The following TBXAS1 variants were observed in gnomAD, a reference collection of about 807,000 sequenced individuals.
The protein encoded by TBXAS1 is thromboxane-A synthase.
TBXAS1 carries 48 observed loss-of-function variants against 60.7 expected under a neutral mutation model. The ratio of observed to expected loss-of-function variants is 0.79; its 90% CI spans 0.63 to 1.01. The LOEUF (loss-of-function observed/expected upper bound fraction) is 1.01, where lower values mean the gene tolerates loss of function less well. TBXAS1 is among the 50% of genes least tolerant of loss of function. The pLI, the probability that TBXAS1 is intolerant of heterozygous loss-of-function variation, is 0.00. For missense variants in TBXAS1, 685 were observed against 686.3 expected (o/e 1.00, Z 0.02); for synonymous variants, 287 against 269.7 (o/e 1.06, Z -0.63).
intron 4 of TBXAS1, among the ~76,000 whole-genome samples, chr7:139,814,832 A>T (rs1433800277): frequency 6.6e-6 from 1 of 152,142 alleles, no homozygotes; most frequent in Non-Finnish European, 1.5e-5. Flanking sequence ...ACTGACCTGG[A>T]GTCCTCAACA....
At chr7:139,884,857 G>A (rs1330114898) in intron 3 of TBXAS1, among the ~76,000 whole-genome samples, 3 of 152,232 alleles carry the variant, frequency 2.0e-5, no homozygotes, top group Non-Finnish European at 4.4e-5. Flanking sequence ...GGATGAACCA[G>A]GAATTGACAT....
chr7:139,952,006 GAAAGAA>G (rs758511302), intron 5 of TBXAS1, among the ~76,000 whole-genome samples: 108 of 147,944 alleles, frequency 7.3e-4, no homozygotes, highest in Non-Finnish European at 1.1e-3. Context: ...AAGAAAGAAA[GAAAGAA>G]AAAGAAAGGA....
At chr7:139,784,899 C>G (rs372451716) in intron 3 of TBXAS1, among the ~76,000 whole-genome samples, 1 of 75,028 alleles carries the variant, frequency 1.3e-5, no homozygotes, top group Admixed American at 1.4e-4. Flanking sequence ...GTGGCTGATC[C>G]ATAGGAGGTG....
intron 5 of TBXAS1, among the ~76,000 whole-genome samples, chr7:139,942,904 AGAC>A (rs1429737324): frequency 6.6e-6 from 1 of 152,226 alleles, no homozygotes; most frequent in Non-Finnish European, 1.5e-5. Flanking sequence ...CCTGACTTGG[AGAC>A]GACATGTTAC....
chr7:139,822,846 T>C (rs575099407), intron 4 of TBXAS1, among the ~76,000 whole-genome samples: 12 of 152,310 alleles, frequency 7.9e-5, no homozygotes, highest in African/African-American at 2.9e-4. Flanking sequence ...CGCAGCCTCC[T>C]GGCTGGTCCT....
chr7:139,939,599 G>A (rs554736238), intron 5 of TBXAS1, among the ~76,000 whole-genome samples: 4 of 152,088 alleles, frequency 2.6e-5, no homozygotes, highest in Non-Finnish European at 5.9e-5. Context: ...GCGAGTTGAA[G>A]TTTACTGGAA....
chr7:139,871,352 A>T (rs3801154), intron 1 of TBXAS1, among the ~76,000 whole-genome samples: 9,071 of 152,226 alleles, frequency 0.06, 385 homozygotes, highest in East Asian at 0.13. Flanking sequence ...GCGTGATGCT[A>T]AACAACCAGT....
intron 4 of TBXAS1, among the ~76,000 whole-genome samples, chr7:139,926,221 T>C (rs1166106944): frequency 6.6e-6 from 1 of 152,176 alleles, no homozygotes; most frequent in African/African-American, 2.4e-5. Context: ...TTGAGTAGAA[T>C]TGGTATTAAT....
intron 5 of TBXAS1, among the ~76,000 whole-genome samples, chr7:139,941,808 T>C (rs1294845683): frequency 2.6e-5 from 4 of 152,216 alleles, no homozygotes; most frequent in African/African-American, 4.8e-5. Context: ...TTATTAAGGA[T>C]GAGGGAATAA....
intron 1 of TBXAS1, among the ~76,000 whole-genome samples, chr7:139,838,169 A>AC (rs150494095): frequency 0.019 from 2,840 of 152,238 alleles, 85 homozygotes; most frequent in African/African-American, 0.065. Flanking sequence ...GGTCAGAGCG[A>AC]CGCTGTCTGG....
chr7:139,784,737 A>G lies in TBXAS1; in HGVS notation c.-169+2008A>G, dbSNP rs564020803. 3.3e-5 allele frequency among the ~76,000 whole-genome samples: 5 copies of G among 152,228 alleles called. No homozygotes were observed. The South Asian group carries it at 1.0e-3, about 32-fold the overall frequency. ...AATGCACCAGATGTGGGGAAAAATG[A>G]ATTCAATTTTGAACATGTTGAGTCT... On this transcript the variant is annotated intron_variant, in intron 3 of 16. Coordinates refer to the TBXAS1 transcript ENST00000336425.
intron 4 of TBXAS1, among the ~76,000 whole-genome samples, chr7:139,926,611 C>CATTTCATTTCATTG (rs60206896): frequency 0.12 from 17,696 of 151,098 alleles, 1,877 homozygotes; most frequent in African/African-American, 0.29. Context: ...TGTATTGTTT[C>CATTTCATTTCATTG]CTTCATTTCA....
intron 1 of TBXAS1, among the ~76,000 whole-genome samples, chr7:139,842,334 G>T (rs548449888): frequency 2.7e-4 from 41 of 152,272 alleles, no homozygotes; most frequent in African/African-American, 9.9e-4. Flanking sequence ...GCGTGAGTGG[G>T]TGCTCAGCGA....
chr7:139,978,366 C>T lies in TBXAS1; in HGVS notation c.1134+16133C>T, dbSNP rs374162719. ...CTCTACTAAAAATACAACAATTAGC[C>T]GGGCATGGTGGTGCACACCTGTAAT... On this transcript the variant is annotated intron_variant, in intron 9 of 12. Coordinates refer to ENST00000448866, the MANE Select transcript of TBXAS1 (RefSeq NM_001061.7). Among the ~76,000 whole-genome samples, 186 of 151,792 alleles carry T rather than the reference C, an allele frequency of 1.2e-3. 2 individuals are homozygous for T. The highest frequency in any genetic ancestry group is 1.8e-3 in the Admixed American group (28 of 15,272).
Position 139,962,120 on chromosome 7 carries a change from G to T in TBXAS1, c.1021G>T (p.Ala341Ser). The part of the protein sequence containing the change: ...IVGQAFIFLI[A>S]GYEIITNTLS... The stretch of plus-strand genomic sequence containing the variant: ...GGGCCAGGCCTTCATCTTCCTCATC[G>T]CTGGCTATGAAATCATCACCAACAC... Residue 341 changes from alanine to serine, a missense_variant, in exon 9 of 13, where the codon GCT (alanine) becomes TCT (serine). Transcript: ENST00000448866. The T allele has an allele frequency of 6.2e-7, 1 of 1,614,146 alleles. No individual in the cohort carries two copies. Among genetic ancestry groups the T allele is most frequent in the Admixed American group, 1.7e-5 (1 of 60,018 alleles).
intron 4 of TBXAS1, among the ~76,000 whole-genome samples, chr7:139,822,420 T>C (rs1244004863): frequency 6.6e-6 from 1 of 152,208 alleles, no homozygotes; most frequent in Non-Finnish European, 1.5e-5. Context: ...AGCCCACTTT[T>C]ATCCCTATGG....
intron 9 of TBXAS1, among the ~76,000 whole-genome samples, chr7:139,966,948 G>C (rs918553237): frequency 1.3e-5 from 2 of 152,172 alleles, no homozygotes; most frequent in Non-Finnish European, 2.9e-5. Context: ...TGCCTACCTG[G>C]AGCTGCCCTC....
chr7:139,952,387 G>A (rs1052996219), intron 5 of TBXAS1, among the ~76,000 whole-genome samples: 5 of 152,156 alleles, frequency 3.3e-5, no homozygotes, highest in Admixed American at 1.3e-4. Flanking sequence ...CTCTGACCTC[G>A]AGAACTCAAT....
intron 1 of TBXAS1, among the ~76,000 whole-genome samples, chr7:139,867,806 G>T (rs180875993): frequency 6.6e-6 from 1 of 151,422 alleles, no homozygotes; most frequent in African/African-American, 2.4e-5. Context: ...GACAGAGTGA[G>T]ACTCTGCCTC....
Sources: allele counts gnomAD v4.1 joint callset (sites outside exome capture counted in the v4.1 genomes callset), GRCh38; gene constraint gnomAD v4.1.1; transcripts MANE v1.5; gene names NCBI Gene and HGNC (gene_info 2026-07-23, HGNC 2026-07-21).